The following LRRIQ3 variants were observed in gnomAD, a reference collection of about 807,000 sequenced individuals.
LRRIQ3 encodes the protein leucine-rich repeat and IQ domain-containing protein 3.
In LRRIQ3, 75 loss-of-function variants were observed where a neutral mutation model predicts 59.3. That is an observed-to-expected ratio of 1.26 (90% CI 1.05 to 1.53). The LOEUF is 1.53. Ranked by LOEUF, LRRIQ3 falls within the 40% of genes most tolerant of loss-of-function variation. LRRIQ3 has a pLI of 0.00. For missense variants in LRRIQ3, 831 were observed against 710.0 expected, an observed-to-expected ratio of 1.17 and a Z score of -1.94; for synonymous variants, 250 against 231.3, an observed-to-expected ratio of 1.08 and a Z score of -0.73.
intron 4 of LRRIQ3, among the ~76,000 whole-genome samples, chr1:74,115,995 T>A (rs940087935): frequency 6.6e-6 from 1 of 151,926 alleles, no homozygotes; most frequent in African/African-American, 2.4e-5. Context: ...TAAAACAATA[T>A]AAATGAGGAC....
intron 4 of LRRIQ3, among the ~76,000 whole-genome samples, chr1:74,117,762 T>C (rs1038045927): frequency 3.9e-5 from 6 of 152,044 alleles, no homozygotes; most frequent in Non-Finnish European, 1.5e-5. Flanking sequence ...CAAGTTTGTC[T>C]CAAAACAATA....
chr1:74,038,512 A>C lies in LRRIQ3; in HGVS notation c.1718+2701T>G, dbSNP rs143635545. On this transcript the variant is annotated intron_variant, in intron 7 of 7. Coordinates refer to ENST00000354431, the MANE Select transcript of LRRIQ3 (RefSeq NM_001105659.2). Reference sequence around the variant, plus strand: ...GCTCCCTGTGCCACTCAACTGGGTGAGACTCTTAAACAGGGATTGTCAGAC... The same window carrying C: ...GCTCCCTGTGCCACTCAACTGGGTGCGACTCTTAAACAGGGATTGTCAGAC... Among the ~76,000 whole-genome samples, 137 of 152,308 alleles carry C rather than the reference A, an allele frequency of 9.0e-4. No homozygotes were observed. In the East Asian group the frequency reaches 0.025, roughly 27 times the overall value.
At chr1:74,027,101 C>A in intron 7 of LRRIQ3, 132 bp from the exon 8 acceptor site, 1 of 543,986 alleles carries the variant, frequency 1.8e-6, no homozygotes, top group Non-Finnish European at 3.1e-6. Context: ...GACACAACTC[C>A]ATTTATATAA....
At chr1:74,122,401 A>G (rs369754532) in intron 4 of LRRIQ3, among the ~76,000 whole-genome samples, 1 of 152,044 alleles carries the variant, frequency 6.6e-6, no homozygotes, top group Admixed American at 6.6e-5. Context: ...GTCTGTTCAT[A>G]TCCTTCGCCC....
intron 6 of LRRIQ3, among the ~76,000 whole-genome samples, chr1:74,047,316 A>G (rs1355105755): frequency 6.6e-6 from 1 of 152,158 alleles, no homozygotes; most frequent in Non-Finnish European, 1.5e-5. Context: ...ACTGGAAACC[A>G]TCATTCTCAG....
At chr1:74,027,046 G>T (rs975008901) in intron 7 of LRRIQ3, 77 bp from the exon 8 acceptor site, 4 of 973,208 alleles carry the variant, frequency 4.1e-6, no homozygotes. Flanking sequence ...GACTATTAAT[G>T]ATAATAATTA....
chr1:74,178,376 A>C (rs1190675945), intron 3 of LRRIQ3, among the ~76,000 whole-genome samples: 1 of 151,476 alleles, frequency 6.6e-6, no homozygotes. Context: ...ATTCTTTTTT[A>C]TCTTTTGTAT....
intron 4 of LRRIQ3, among the ~76,000 whole-genome samples, chr1:74,140,284 T>A (rs1647209667): frequency 6.6e-6 from 1 of 151,856 alleles, no homozygotes; most frequent in Non-Finnish European, 1.5e-5. Flanking sequence ...ATACATCTGA[T>A]AAAGTAAACT....
chr1:74,188,643 T>C (rs935837464), intron 1 of LRRIQ3, among the ~76,000 whole-genome samples: 1 of 152,158 alleles, frequency 6.6e-6, no homozygotes, highest in African/African-American at 2.4e-5. Flanking sequence ...CTAAATTATA[T>C]GTACCCTGTG....
chr1:74,082,856 C>A (rs1407468024), intron 5 of LRRIQ3: 1 of 151,456 alleles, frequency 6.6e-6, no homozygotes, highest in Non-Finnish European at 1.5e-5. Context: ...ATAACAATTA[C>A]TTGAATAATA....
intron 4 of LRRIQ3, among the ~76,000 whole-genome samples, chr1:74,141,530 A>G (rs978709240): frequency 6.6e-6 from 1 of 151,918 alleles, no homozygotes; most frequent in Non-Finnish European, 1.5e-5. Flanking sequence ...AAATTTTAAA[A>G]TTTCTAAATG....
At chr1:74,189,325 T>C (rs1449995175) in intron 1 of LRRIQ3, among the ~76,000 whole-genome samples, 2 of 152,144 alleles carry the variant, frequency 1.3e-5, no homozygotes, top group Non-Finnish European at 2.9e-5. Flanking sequence ...CACATTCTAC[T>C]GGTTACGACA....
chr1:74,037,747 C>T (rs1173696062), intron 7 of LRRIQ3, among the ~76,000 whole-genome samples: 1 of 152,144 alleles, frequency 6.6e-6, no homozygotes, highest in African/African-American at 2.4e-5. Flanking sequence ...TGGTGGCCCA[C>T]CTAAGAGCCA....
chr1:74,075,064 A>C (rs1646187750), intron 5 of LRRIQ3, among the ~76,000 whole-genome samples: 1 of 152,174 alleles, frequency 6.6e-6, no homozygotes, highest in Non-Finnish European at 1.5e-5. Flanking sequence ...CTGTGACAAA[A>C]GGAACAAGGG....
chr1:74,055,491 C>G (rs753426694), intron 6 of LRRIQ3, among the ~76,000 whole-genome samples: 2 of 151,962 alleles, frequency 1.3e-5, no homozygotes, highest in African/African-American at 2.4e-5. Context: ...AACATGTTTG[C>G]AAGAATCATC....
rs1472698261 is a variant in LRRIQ3 at position 74,119,439 on chromosome 1, A to G, written c.708-9886T>C. 2.6e-5 allele frequency among the ~76,000 whole-genome samples: 4 copies of G among 151,834 alleles called. No individual in the cohort carries two copies. The South Asian group carries it at 6.2e-4, about 24-fold the overall frequency. The stretch of plus-strand genomic sequence containing the variant: ...ATATACAAGCTATTTATATGTGAAC[A>G]TTTTCTGATTTGTATAGACATATTC... On this transcript the variant is annotated intron_variant, in intron 4 of 7. Coordinates refer to ENST00000354431, the MANE Select transcript of LRRIQ3 (RefSeq NM_001105659.2).
At chr1:74,028,520 G>T (rs1653589740) in intron 7 of LRRIQ3, among the ~76,000 whole-genome samples, 1 of 152,028 alleles carries the variant, frequency 6.6e-6, no homozygotes, top group African/African-American at 2.4e-5. Flanking sequence ...AAGACGGGAA[G>T]AAAGATTAGA....
chr1:74,095,520 G>C (rs969931316), intron 5 of LRRIQ3, among the ~76,000 whole-genome samples: 1 of 152,034 alleles, frequency 6.6e-6, no homozygotes, highest in African/African-American at 2.4e-5. Flanking sequence ...TATGTGTTGT[G>C]AACTATTATA....
chr1:74,099,858 C>T (rs1373762338), intron 5 of LRRIQ3, among the ~76,000 whole-genome samples: 1 of 152,108 alleles, frequency 6.6e-6, no homozygotes, highest in African/African-American at 2.4e-5. Flanking sequence ...ATTCAACAGC[C>T]TTTCATGTGA....
Sources: allele counts gnomAD v4.1 joint callset (sites outside exome capture counted in the v4.1 genomes callset), GRCh38; gene constraint gnomAD v4.1.1; transcripts MANE v1.5; gene names NCBI Gene and HGNC (gene_info 2026-07-23, HGNC 2026-07-21).